The following MCM5 variants were observed in gnomAD, a reference collection of about 807,000 sequenced individuals.
MCM5 encodes minichromosome maintenance complex component 5, also known as DNA replication licensing factor MCM5.
A neutral mutation model predicts 79.9 loss-of-function variants in MCM5; 46 were observed. The observed-to-expected ratio is 0.58, with a 90% CI of 0.45 to 0.74. The LOEUF (loss-of-function observed/expected upper bound fraction) is 0.74, where lower values mean the gene tolerates loss of function less well. Among genes scored for constraint, MCM5 ranks in the 30% least tolerant of loss-of-function variants. The pLI is 0.00. For missense variants in MCM5, 883 were observed against 1,017.0 expected (o/e 0.87, Z 1.79); for synonymous variants, 404 against 390.5 (o/e 1.03, Z -0.41).
chr22:35,438,192 CATTCATCCATCCACCCACATGCAT>C, the MCM5 span, among the ~76,000 whole-genome samples: 3 of 152,044 alleles, frequency 2.0e-5, no homozygotes, highest in East Asian at 5.8e-4. Flanking sequence ...GACTTCCATC[CATTCATCCATCCACCCACATGCAT>C]ATCCATCCAT....
chr22:35,420,994 G>A (rs1932677786), intron 14 of MCM5, among the ~76,000 whole-genome samples: 1 of 151,994 alleles, frequency 6.6e-6, no homozygotes, highest in Non-Finnish European at 1.5e-5. Flanking sequence ...CAGGCATTGT[G>A]GTGCATGCCT....
At position 35,403,216 on chromosome 22, in the gene MCM5, C is replaced by CA. The variant is rs1569063218; in HGVS notation, c.179dup (p.Arg61AlafsTer11). ...TATGTGCCCACTCCAGGGATGAACTCAAGCGGCATTACAACCTGGGGGAGT... is the reference window on the plus strand; with the variant it reads ...TATGTGCCCACTCCAGGGATGAACTCAAAGCGGCATTACAACCTGGGGGAGT... On this transcript the variant is annotated frameshift_variant, in exon 3 of 17. Coordinates refer to ENST00000216122, the MANE Select transcript of MCM5 (RefSeq NM_006739.4). LOFTEE classifies it high-confidence loss of function. 1.2e-6 allele frequency: 2 copies of CA among 1,614,072 alleles called. No homozygotes were observed. The highest frequency in any genetic ancestry group is 2.7e-5 in the African/African-American group (2 of 75,010).
intron 13 of MCM5, 50 bp downstream of exon 13, chr22:35,417,906 G>C: frequency 1.5e-6 from 2 of 1,339,694 alleles, no homozygotes; most frequent in Non-Finnish European, 2.1e-6. Context: ...AGCTTCCCTG[G>C]GTGGGAGAGA....
At chr22:35,433,898 G>T in the MCM5 span, among the ~76,000 whole-genome samples, 2 of 152,166 alleles carry the variant, frequency 1.3e-5, no homozygotes, top group Non-Finnish European at 2.9e-5. Flanking sequence ...TGGACTCAAG[G>T]GATTCCATGT....
At chr22:35,449,577 T>TCTCTGTCCCAGCCGTGGCCC in the MCM5 span, among the ~76,000 whole-genome samples, 285 of 71,556 alleles carry the variant, frequency 4.0e-3, no homozygotes, top group African/African-American at 9.4e-3. Flanking sequence ...AGCTGTGGCC[T>TCTCTGTCCCAGCCGTGGCCC]CTCTGTCCCA....
chr22:35,417,582 C>A (rs1381895769), intron 12 of MCM5, among the ~76,000 whole-genome samples, 162 bp from the exon 13 acceptor site: 1 of 152,206 alleles, frequency 6.6e-6, no homozygotes, highest in African/African-American at 2.4e-5. Context: ...GAACGAGGGC[C>A]TGGTGCTGAG....
chr22:35,449,033 C>G, the MCM5 span, among the ~76,000 whole-genome samples: 1 of 152,280 alleles, frequency 6.6e-6, no homozygotes, highest in East Asian at 1.9e-4. Context: ...CACCCTGCCT[C>G]TGGTGGGAGA....
In MCM5 at chr22:35,412,658, G is replaced by T. The variant is rs373582533; in HGVS notation, c.1068G>T (p.Leu356=). ...ACATGAAGAAGGCCATTGCCTGCCT[G>T]CTCTTTGGGGGCTCCCGAAAGAGGT... The part of the protein sequence containing the change: ...GTDMKKAIAC[L]LFGGSRKRLP... Residue 356 remains leucine, a synonymous_variant, in exon 8 of 17, where the codon CTG becomes CTT. Transcript: ENST00000216122. 6.6e-7 allele frequency: 1 copy of T among 1,515,024 alleles called. No homozygotes were observed. The highest frequency in any genetic ancestry group is 1.3e-5 in the South Asian group (1 of 78,738). The allele number at this position is 1,515,024 out of a possible 1,614,324, so 93.8% of individuals were successfully genotyped here.
chr22:35,443,069 C>T, the MCM5 span, among the ~76,000 whole-genome samples: 1 of 152,204 alleles, frequency 6.6e-6, no homozygotes, highest in African/African-American at 2.4e-5. Flanking sequence ...GCCTGAGGAC[C>T]ACACTCTCCC....
intron 7 of MCM5, chr22:35,411,343 G>A (rs1048451614): frequency 6.3e-6 from 1 of 157,774 alleles, no homozygotes; most frequent in African/African-American, 2.4e-5. Context: ...AGGTGCTAAA[G>A]GAGGTCTGAG....
chr22:35,423,317 C>T lies in MCM5; in HGVS notation c.2079C>T (p.Ser693=), dbSNP rs143534227. ...TTGGCTCCCAGGTGTCTGAGCACAG[C>T]ATCATCAAGGACTTCACCAAGCAGG... is the stretch of plus-strand genomic sequence containing the variant. ...FAIGSQVSEH[S]IIKDFTKQKY... is the part of the protein sequence containing the mutation. Residue 693 remains serine (S), a synonymous_variant, in exon 16 of 17, where the codon AGC becomes AGT. Transcript: ENST00000216122. 1,384 of 1,606,854 alleles carry T rather than the reference C, an allele frequency of 8.6e-4. 18 individuals are homozygous for T. The African/African-American group carries it at 0.013, about 15-fold the overall frequency.
the MCM5 span, among the ~76,000 whole-genome samples, chr22:35,438,009 T>C: frequency 6.6e-6 from 1 of 151,954 alleles, no homozygotes; most frequent in Non-Finnish European, 1.5e-5. Flanking sequence ...GTCCTCTTCA[T>C]CTCCCTATTC....
At chr22:35,416,072 A>G in intron 10 of MCM5, 100 bp downstream of exon 10, 1 of 1,434,244 alleles carries the variant, frequency 7.0e-7, no homozygotes, top group Admixed American at 1.8e-5. Flanking sequence ...CTTGGGAGAC[A>G]TGTTTTCAAT....
downstream of MCM5, among the ~76,000 whole-genome samples, chr22:35,426,037 G>T (rs1224232405): frequency 6.6e-6 from 1 of 152,152 alleles, no homozygotes; most frequent in Non-Finnish European, 1.5e-5. Flanking sequence ...GGCAGAGACA[G>T]TCCTGGCCTG....
chr22:35,418,753 T>A (rs1932616586), intron 13 of MCM5, among the ~76,000 whole-genome samples: 2 of 152,224 alleles, frequency 1.3e-5, no homozygotes, highest in Admixed American at 1.3e-4. Flanking sequence ...CATTCTGAAT[T>A]ACTATTCAGT....
chr22:35,413,489 G>T lies in MCM5; in HGVS notation c.1092-386G>T, dbSNP rs147723585. 3.3e-5 allele frequency among the ~76,000 whole-genome samples: 5 copies of T among 152,280 alleles called. No individual in the cohort carries two copies. The East Asian group carries it at 9.7e-4, about 29-fold the overall frequency. ...GGGACTTGCTCCCCAGCACATGCAG[G>T]GGAGCCAGGAGCCTGCTGTCATGGT... On this transcript the variant is annotated intron_variant, in intron 8 of 16. Coordinates refer to ENST00000216122, the MANE Select transcript of MCM5 (RefSeq NM_006739.4).
Position 35,419,937 on chromosome 22 carries a change from ACAT to A in MCM5, c.1764_1766del (p.Ile588del). The stretch of plus-strand genomic sequence containing the variant: ...GCTGCAGAGAAACTGAAGAACCGCT[ACAT>A]CATCATGCGGAGCGGGGCCCGTCAG... On this transcript the variant is annotated inframe_deletion, in exon 14 of 17. Coordinates refer to ENST00000216122, the MANE Select transcript of MCM5 (RefSeq NM_006739.4). 2 of 1,613,388 alleles carry A rather than the reference ACAT, an allele frequency of 1.2e-6. No individual in the cohort carries two copies. The highest frequency in any genetic ancestry group is 1.7e-6 in the Non-Finnish European group (2 of 1,179,728).
At chr22:35,435,195 G>C in the MCM5 span, among the ~76,000 whole-genome samples, 125 of 152,322 alleles carry the variant, frequency 8.2e-4, no homozygotes, top group African/African-American at 2.7e-3. Context: ...GGCAGGGAGA[G>C]AGATGGGAGT....
At position 35,400,606 on chromosome 22, in the gene MCM5, G is replaced by A; in HGVS notation, c.167+1G>A. On this transcript the variant is annotated splice_donor_variant, in intron 2 of 16. Transcript: ENST00000216122. LOFTEE classifies it high-confidence loss of function. Reference sequence around the variant, plus strand: ...GCACGGGCTTCACCTTCAAATACAGGTGCGGCTCCTGCGGGGCCGGGGGCT... The same window carrying A: ...GCACGGGCTTCACCTTCAAATACAGATGCGGCTCCTGCGGGGCCGGGGGCT... The A allele has an allele frequency of 6.2e-7, 1 of 1,601,936 alleles. No individual in the cohort carries two copies. Among genetic ancestry groups the A allele is most frequent in the Non-Finnish European group, 8.5e-7 (1 of 1,172,674 alleles).
Sources: allele counts gnomAD v4.1 joint callset (sites outside exome capture counted in the v4.1 genomes callset), GRCh38; gene constraint gnomAD v4.1.1; transcripts MANE v1.5; gene names NCBI Gene and HGNC (gene_info 2026-07-23, HGNC 2026-07-21).